Variants in PLCH1 observed in about 807,000 individuals in gnomAD.
PLCH1 encodes phospholipase C eta 1.
PLCH1 carries 60 observed loss-of-function variants against 126.7 expected under a neutral mutation model. The observed-to-expected ratio is 0.47, with a 90% confidence interval of 0.38 to 0.59. PLCH1 has a LOEUF of 0.59. PLCH1 is among the 20% of genes least tolerant of loss of function. The pLI is 0.00. For synonymous variants in PLCH1, 719 were observed against 734.9 expected (o/e 0.98, Z 0.35); for missense variants, 1,723 against 2,040.0 (o/e 0.84, Z 2.99).
chr3:155,539,807 A>G lies in PLCH1; in HGVS notation c.1362+9980T>C, dbSNP rs530537713. On this transcript the variant is annotated intron_variant, in intron 10 of 22. Transcript: ENST00000460012. ...TAGAATCAATATTGTGAAAATAACC[A>G]TACTGCCAAAAGCAATCTATAAATT... Among the ~76,000 whole-genome samples, 5 of 152,298 alleles carry G rather than the reference A, an allele frequency of 3.3e-5. No individual in the cohort carries two copies. The East Asian group carries it at 9.6e-4, about 29-fold the overall frequency.
rs1714440225 is a variant in PLCH1 at position 155,483,066 on chromosome 3, C to A, written c.2975-15G>T. 3 of 1,606,008 alleles carry A rather than the reference C, an allele frequency of 1.9e-6. No homozygotes were observed. Among genetic ancestry groups the A allele is most frequent in the Non-Finnish European group, 1.7e-6 (2 of 1,175,916 alleles). On this transcript the variant is annotated splice_polypyrimidine_tract_variant and intron_variant, in intron 22 of 22. Transcript: ENST00000460012. Reference sequence around the variant, plus strand: ...TTTATCTTCTGCTGAAGGAGACAAACAATATTTTAGGTGACATCTATCACT... The same window carrying A: ...TTTATCTTCTGCTGAAGGAGACAAAAAATATTTTAGGTGACATCTATCACT...
In PLCH1 at chr3:155,719,354, C is replaced by T. The variant is rs559279823; in HGVS notation, c.-40-15090G>A. ...ACACAGGAAGGGGAACATCACACAC[C>T]GGGGCCTGTTGTGGGGTTGGGGGAG... On this transcript the variant is annotated intron_variant, in intron 1 of 22. Coordinates refer to ENST00000460012, the MANE Select transcript of PLCH1 (RefSeq NM_014996.4). Among the ~76,000 whole-genome samples the T allele has an allele frequency of 4.0e-5, 6 of 150,320 alleles. No homozygotes were observed. In the South Asian group the frequency reaches 6.4e-4, roughly 16 times the overall value.
At chr3:155,641,810 C>A (rs1739432903) in intron 2 of PLCH1, among the ~76,000 whole-genome samples, 1 of 151,892 alleles carries the variant, frequency 6.6e-6, no homozygotes, top group African/African-American at 2.4e-5. Flanking sequence ...CAATTGAAAA[C>A]TTATACTAAA....
intron 10 of PLCH1, among the ~76,000 whole-genome samples, chr3:155,526,486 TCATA>T (rs1399174837): frequency 3.5e-4 from 30 of 86,956 alleles, no homozygotes; most frequent in African/African-American, 1.0e-3. Flanking sequence ...TCTCTCTCTC[TCATA>T]CACACACACA....
intron 1 of PLCH1, among the ~76,000 whole-genome samples, chr3:155,713,499 G>A (rs1747294008): frequency 6.6e-6 from 1 of 152,312 alleles, no homozygotes; most frequent in Non-Finnish European, 1.5e-5. Flanking sequence ...AAAACTGTCT[G>A]AGAGGTGTGT....
intron 2 of PLCH1, among the ~76,000 whole-genome samples, chr3:155,627,465 C>T (rs1020487557): frequency 7.4e-5 from 8 of 108,316 alleles, no homozygotes; most frequent in African/African-American, 1.1e-4. Flanking sequence ...CCCGTCTCTA[C>T]CAAAAATACA....
intron 2 of PLCH1, among the ~76,000 whole-genome samples, chr3:155,644,342 C>T (rs1289285700): frequency 6.6e-6 from 1 of 152,122 alleles, no homozygotes; most frequent in African/African-American, 2.4e-5. Context: ...GTGATTCATG[C>T]CTGTAATCCC....
At chr3:155,500,983 A>G (rs576171145) in intron 13 of PLCH1, among the ~76,000 whole-genome samples, 189 bp from the exon 14 acceptor site, 12 of 152,368 alleles carry the variant, frequency 7.9e-5, no homozygotes, top group African/African-American at 2.4e-4. Flanking sequence ...ATATTAAAAT[A>G]TTAATACAAA....
chr3:155,516,757 A>T lies in PLCH1; in HGVS notation c.1471-1873T>A, dbSNP rs560164592. The stretch of plus-strand genomic sequence containing the variant: ...TTGGGAACAAAACTCATTTTGTATT[A>T]AAAAAAAAACCATGTATTGTGTTTC... On this transcript the variant is annotated intron_variant, in intron 11 of 22. Transcript: ENST00000460012. 6.1e-5 allele frequency among the ~76,000 whole-genome samples: 9 copies of T among 147,452 alleles called. No homozygotes were observed. The South Asian group carries it at 1.5e-3, about 25-fold the overall frequency.
intron 2 of PLCH1, among the ~76,000 whole-genome samples, chr3:155,609,490 T>C (rs538070930): frequency 1.3e-5 from 2 of 152,278 alleles, no homozygotes; most frequent in Non-Finnish European, 2.9e-5. Context: ...AAAGATTCTA[T>C]AGTACCCTCA....
intron 2 of PLCH1, among the ~76,000 whole-genome samples, chr3:155,696,441 T>C (rs2109058599): frequency 6.6e-6 from 1 of 152,320 alleles, no homozygotes. Flanking sequence ...AACAATTATG[T>C]TGCCCTAGAA....
chr3:155,451,262 G>C (rs868717533), intron 21 of PLCH1, among the ~76,000 whole-genome samples: 2 of 152,012 alleles, frequency 1.3e-5, no homozygotes, highest in Admixed American at 6.6e-5. Context: ...AATAGGTAAG[G>C]GTGTGATGAA....
intron 15 of PLCH1, among the ~76,000 whole-genome samples, chr3:155,495,980 G>T (rs1716971500): frequency 6.6e-6 from 1 of 152,164 alleles, no homozygotes; most frequent in South Asian, 2.1e-4. Flanking sequence ...GCCTAATTCA[G>T]ATAGAATAGG....
intron 2 of PLCH1, among the ~76,000 whole-genome samples, chr3:155,637,925 T>C (rs1356306482): frequency 1.3e-5 from 2 of 152,202 alleles, no homozygotes; most frequent in Non-Finnish European, 2.9e-5. Context: ...TCACCTGACA[T>C]CCCTGGGTGC....
At chr3:155,532,907 G>GTTCCA (rs1722883043) in intron 10 of PLCH1, among the ~76,000 whole-genome samples, 1 of 152,200 alleles carries the variant, frequency 6.6e-6, no homozygotes, top group South Asian at 2.1e-4. Context: ...CTAGGTAACA[G>GTTCCA]ACAGAGGTTG....
chr3:155,663,612 T>C (rs1339570252), intron 2 of PLCH1, among the ~76,000 whole-genome samples: 1 of 152,220 alleles, frequency 6.6e-6, no homozygotes, highest in African/African-American at 2.4e-5. Context: ...CCATTCCTTT[T>C]GTATCTTCTC....
intron 2 of PLCH1, among the ~76,000 whole-genome samples, chr3:155,622,693 A>G (rs1162576624): frequency 6.6e-6 from 1 of 152,166 alleles, no homozygotes; most frequent in Non-Finnish European, 1.5e-5. Flanking sequence ...TAAAGGGATC[A>G]ATGCAACAAG....
At chr3:155,497,604 C>T (rs1439982098) in intron 14 of PLCH1, among the ~76,000 whole-genome samples, 187 bp from the exon 15 acceptor site, 1 of 152,244 alleles carries the variant, frequency 6.6e-6, no homozygotes, top group African/African-American at 2.4e-5. Context: ...CAAAATCCTA[C>T]TACAGTAGTC....
intron 8 of PLCH1, among the ~76,000 whole-genome samples, chr3:155,557,231 GA>G (rs1369792955): frequency 2.0e-5 from 3 of 152,072 alleles, no homozygotes; most frequent in Non-Finnish European, 4.4e-5. Context: ...AATAATTATG[GA>G]AAAAACTTAA....
Sources: allele counts gnomAD v4.1 joint callset (sites outside exome capture counted in the v4.1 genomes callset), GRCh38; gene constraint gnomAD v4.1.1; transcripts MANE v1.5; gene names NCBI Gene and HGNC (gene_info 2026-07-23, HGNC 2026-07-21).